The following ADAMTSL3 variants were observed in gnomAD, a reference collection of about 807,000 sequenced individuals.
The protein encoded by ADAMTSL3 is ADAMTS-like protein 3.
A neutral mutation model predicts 201.7 loss-of-function variants in ADAMTSL3; 128 were observed. The ratio of observed to expected loss-of-function variants is 0.63; its 90% CI spans 0.55 to 0.73. The LOEUF (loss-of-function observed/expected upper bound fraction) is 0.73, where lower values mean the gene tolerates loss of function less well. Ranked by LOEUF, ADAMTSL3 falls within the 30% of genes least tolerant of loss-of-function variation. The pLI is 0.00. For synonymous variants in ADAMTSL3, 738 were observed against 748.4 expected (o/e 0.99, Z 0.23); for missense variants, 1,990 against 2,119.6 (o/e 0.94, Z 1.20).
At chr15:84,009,263 T>A (rs574891621) in intron 23 of ADAMTSL3, among the ~76,000 whole-genome samples, 1 of 152,314 alleles carries the variant, frequency 6.6e-6, no homozygotes, top group East Asian at 1.9e-4. Flanking sequence ...TACTGCTCTT[T>A]TCCTGGCTCA....
intron 19 of ADAMTSL3, 76 bp downstream of exon 19, chr15:83,943,158 G>C: frequency 1.4e-6 from 2 of 1,476,816 alleles, no homozygotes; most frequent in Non-Finnish European, 1.8e-6. Context: ...ATTTCCACAA[G>C]ATCAGGCTGG....
intron 25 of ADAMTSL3, among the ~76,000 whole-genome samples, chr15:84,018,785 C>T (rs1261949550): frequency 6.6e-6 from 1 of 152,114 alleles, no homozygotes; most frequent in Non-Finnish European, 1.5e-5. Context: ...ACTCCTAAAA[C>T]ATGGGAGGTC....
At chr15:83,960,785 C>T (rs1276395419) in intron 19 of ADAMTSL3, among the ~76,000 whole-genome samples, 4 of 152,098 alleles carry the variant, frequency 2.6e-5, no homozygotes, top group Admixed American at 6.5e-5. Flanking sequence ...TTGAAGACAA[C>T]AAATGGATGT....
At position 83,991,112 on chromosome 15, in the gene ADAMTSL3, A is replaced by G. The variant is rs765245101; in HGVS notation, c.3871A>G (p.Arg1291Gly). 1.9e-6 allele frequency: 3 copies of G among 1,614,210 alleles called. No homozygotes were observed. Among genetic ancestry groups the G allele is most frequent in the Admixed American group, 3.3e-5 (2 of 60,028 alleles). The part of the protein sequence containing the change: ...AEAPVILSVE[R>G]NITKPEHNHL... ...GGCACCTGTCATCTTGTCTGTTGAA[A>G]GAAATATCACCAAACCAGAGCACAA... is the stretch of plus-strand genomic sequence containing the variant. Residue 1291 changes from arginine to glycine, a missense_variant, in exon 23 of 30, where the codon AGA becomes GGA. By Grantham distance (125) the Arg-to-Gly change is moderately radical. Transcript: ENST00000286744.
At chr15:83,952,036 T>C (rs2066768391) in intron 19 of ADAMTSL3, among the ~76,000 whole-genome samples, 1 of 152,170 alleles carries the variant, frequency 6.6e-6, no homozygotes. Flanking sequence ...CTAGCTAAGA[T>C]GTATTGTTAG....
chr15:83,713,179 T>C (rs994535109), intron 3 of ADAMTSL3, among the ~76,000 whole-genome samples: 12 of 152,186 alleles, frequency 7.9e-5, no homozygotes, highest in Admixed American at 4.6e-4. Flanking sequence ...TTCTCTGTCT[T>C]AGATGGCCTT....
chr15:83,904,187 T>C (rs2065790906), intron 15 of ADAMTSL3, among the ~76,000 whole-genome samples: 1 of 151,802 alleles, frequency 6.6e-6, no homozygotes, highest in African/African-American at 2.4e-5. Context: ...CTTCCCACCT[T>C]CTGCCATCTC....
intron 21 of ADAMTSL3, among the ~76,000 whole-genome samples, chr15:83,984,530 T>C (rs1265764473): frequency 6.6e-6 from 1 of 152,230 alleles, no homozygotes; most frequent in Non-Finnish European, 1.5e-5. Context: ...GAGCTTTTGG[T>C]TTTAGACTCT....
intron 2 of ADAMTSL3, 60 bp from the exon 3 acceptor site, chr15:83,704,329 T>A: frequency 6.2e-7 from 1 of 1,610,696 alleles, no homozygotes; most frequent in Non-Finnish European, 8.5e-7. Flanking sequence ...TTCTTGGACT[T>A]TACCTGTCAG....
chr15:83,734,934 C>T (rs1053545085), intron 3 of ADAMTSL3, among the ~76,000 whole-genome samples: 9 of 151,920 alleles, frequency 5.9e-5, no homozygotes, highest in Admixed American at 1.3e-4. Flanking sequence ...CTTTGAACAC[C>T]GACAGAAAGT....
intron 2 of ADAMTSL3, among the ~76,000 whole-genome samples, chr15:83,689,043 G>A (rs1263136017): frequency 2.0e-5 from 3 of 151,944 alleles, no homozygotes; most frequent in African/African-American, 7.3e-5. Context: ...GGCTGGTCTC[G>A]AACTCCTGGG....
chr15:83,801,695 T>TATATATATATATATAG (rs2063528108), intron 4 of ADAMTSL3, among the ~76,000 whole-genome samples: 1 of 93,432 alleles, frequency 1.1e-5, no homozygotes, highest in African/African-American at 3.7e-5. Context: ...TATATATATA[T>TATATATATATATATAG]GTATGTATGA....
intron 4 of ADAMTSL3, among the ~76,000 whole-genome samples, chr15:83,782,753 A>G (rs1446333618): frequency 6.6e-6 from 1 of 152,024 alleles, no homozygotes; most frequent in Non-Finnish European, 1.5e-5. Flanking sequence ...GTAGAGGATC[A>G]GGAAAAATAA....
chr15:83,824,477 C>A (rs1411962079), intron 6 of ADAMTSL3, among the ~76,000 whole-genome samples: 1 of 152,176 alleles, frequency 6.6e-6, no homozygotes, highest in Non-Finnish European at 1.5e-5. Context: ...CCTACACTGA[C>A]ACATCATAAT....
chr15:83,803,426 T>C (rs2063554051), intron 4 of ADAMTSL3, among the ~76,000 whole-genome samples: 1 of 152,210 alleles, frequency 6.6e-6, no homozygotes, highest in East Asian at 1.9e-4. Context: ...AATATTTTAA[T>C]AACAATTGAA....
chr15:84,003,196 C>G (rs1208325378), intron 23 of ADAMTSL3, among the ~76,000 whole-genome samples: 1 of 152,060 alleles, frequency 6.6e-6, no homozygotes, highest in Admixed American at 6.6e-5. Context: ...AGCAACCCTC[C>G]TACCTCAGCC....
intron 5 of ADAMTSL3, among the ~76,000 whole-genome samples, chr15:83,805,541 A>T (rs2063589152): frequency 6.6e-6 from 1 of 151,580 alleles, no homozygotes; most frequent in African/African-American, 2.4e-5. Flanking sequence ...TGGGCAACAG[A>T]GTGAGACTCT....
intron 7 of ADAMTSL3, among the ~76,000 whole-genome samples, chr15:83,856,520 G>A (rs1453188634): frequency 6.6e-6 from 1 of 151,852 alleles, no homozygotes; most frequent in Non-Finnish European, 1.5e-5. Context: ...TCCATTGTAG[G>A]TATATACCAA....
chr15:83,880,899 T>C (rs2141854975), intron 9 of ADAMTSL3, among the ~76,000 whole-genome samples: 1 of 147,088 alleles, frequency 6.8e-6, no homozygotes, highest in African/African-American at 2.5e-5. Context: ...TGTCATTATG[T>C]TTATAATATC....
Sources: allele counts gnomAD v4.1 joint callset (sites outside exome capture counted in the v4.1 genomes callset), GRCh38; gene constraint gnomAD v4.1.1; transcripts MANE v1.5; gene names NCBI Gene and HGNC (gene_info 2026-07-23, HGNC 2026-07-21).